The following MATK variants were observed in gnomAD, a reference collection of about 807,000 sequenced individuals.
The protein encoded by MATK is megakaryocyte-associated tyrosine-protein kinase.
Under a neutral mutation model 59.8 loss-of-function variants are expected in MATK, and 41 were observed. That is an observed-to-expected ratio of 0.69 (90% CI 0.53 to 0.89). The LOEUF (loss-of-function observed/expected upper bound fraction) is 0.89. Among genes scored for constraint, MATK ranks in the 40% least tolerant of loss-of-function variants. The pLI is 0.00. For missense variants in MATK, 593 were observed against 719.6 expected (o/e 0.82, Z 2.01); for synonymous variants, 308 against 306.1 (o/e 1.01, Z -0.06).
At chr19:3,787,371 C>A (rs1436939505), upstream of MATK, 5 of 150,102 alleles carry the variant, frequency 3.3e-5, no homozygotes, top group Non-Finnish European at 7.4e-5. Flanking sequence ...CAAGAATTGG[C>A]CACTTTGCCT....
In MATK at chr19:3,784,332, T is replaced by C. The variant is rs772771890; in HGVS notation, c.246+6A>G. On this transcript the variant is annotated splice_donor_region_variant and intron_variant, in intron 4 of 13. Coordinates refer to ENST00000310132, the MANE Select transcript of MATK (RefSeq NM_139355.3). ...CAAGCACCCACACCCGCCGGCCACCTCTCACCTCGCAGGCCTCCAGGATGG... is the reference window on the plus strand; with the variant it reads ...CAAGCACCCACACCCGCCGGCCACCCCTCACCTCGCAGGCCTCCAGGATGG... The C allele has an allele frequency of 1.2e-6, 2 of 1,602,050 alleles. No homozygotes were observed. Among genetic ancestry groups the C allele is most frequent in the African/African-American group, 2.7e-5 (2 of 74,746 alleles).
chr19:3,794,774 C>T (rs1158106751), intron 1 of MATK, among the ~76,000 whole-genome samples: 1 of 152,110 alleles, frequency 6.6e-6, no homozygotes, highest in Non-Finnish European at 1.5e-5. Context: ...CCTCTTCATC[C>T]TCTCATGACC....
intron 1 of MATK, among the ~76,000 whole-genome samples, chr19:3,797,988 G>A (rs1004713180): frequency 4.6e-5 from 7 of 151,964 alleles, no homozygotes; most frequent in African/African-American, 1.7e-4. Flanking sequence ...TTTGCAGTGA[G>A]CCAAGAACAC....
chr19:3,794,929 T>G (rs1420971105), intron 1 of MATK, among the ~76,000 whole-genome samples: 2 of 151,996 alleles, frequency 1.3e-5, no homozygotes, highest in African/African-American at 2.4e-5. Flanking sequence ...AAACTTTATT[T>G]ATGGACATGG....
intron 1 of MATK, among the ~76,000 whole-genome samples, chr19:3,795,440 T>G (rs2037584951): frequency 6.6e-6 from 1 of 151,966 alleles, no homozygotes; most frequent in South Asian, 2.1e-4. Flanking sequence ...ACCCGGCTAA[T>G]TTTTGTATTT....
intron 7 of MATK, among the ~76,000 whole-genome samples, chr19:3,782,277 C>T (rs957533202): frequency 1.3e-5 from 2 of 152,160 alleles, no homozygotes; most frequent in African/African-American, 2.4e-5. Flanking sequence ...GTTCTGCAGA[C>T]GTTCTCTTCT....
Position 3,778,127 on chromosome 19 carries a change from A to T in MATK, c.*56T>A. Reference sequence around the variant, plus strand: ...CTCCTTGGGCCTGGTCAGTGCCCCCACGCCGCACTCTCCACTCTCTCGGTC... The same window carrying T: ...CTCCTTGGGCCTGGTCAGTGCCCCCTCGCCGCACTCTCCACTCTCTCGGTC... On this transcript the variant is annotated 3_prime_UTR_variant, in exon 14 of 14. Coordinates refer to ENST00000310132, the MANE Select transcript of MATK (RefSeq NM_139355.3). The T allele has an allele frequency of 6.6e-7, 1 of 1,518,006 alleles. No individual in the cohort carries two copies. The allele number at this position is 1,518,006 out of a possible 1,614,324, so 94.0% of individuals were successfully genotyped here.
chr19:3,795,085 G>C (rs544937271), intron 1 of MATK, among the ~76,000 whole-genome samples: 1 of 134,392 alleles, frequency 7.4e-6, no homozygotes, highest in Non-Finnish European at 1.5e-5. Context: ...TCACACCATT[G>C]TCCTGCCTCA....
At chr19:3,785,566 T>C (rs1318251694) in intron 1 of MATK, 2 of 234,928 alleles carry the variant, frequency 8.5e-6, no homozygotes, top group Non-Finnish European at 1.7e-5. Context: ...TCTCGGCCCC[T>C]CCAAGATGCG....
intron 7 of MATK, among the ~76,000 whole-genome samples, chr19:3,781,945 CT>C (rs1353333161): frequency 5.9e-5 from 9 of 152,178 alleles, no homozygotes; most frequent in Admixed American, 5.9e-4. Flanking sequence ...ATAGTCAAAG[CT>C]GGGGGCCTGC....
In MATK at chr19:3,784,881, TC is replaced by T; in HGVS notation, c.75del (p.Ser26AlafsTer135). The T allele has an allele frequency of 6.5e-7, 1 of 1,530,820 alleles. No homozygotes were observed. The highest frequency in any genetic ancestry group is 8.9e-7 in the Non-Finnish European group (1 of 1,128,432). 94.8% of individuals were successfully genotyped at this position (1,530,820 alleles called of 1,614,324 possible). A position where few individuals can be genotyped will look rare whatever the true frequency, so the allele number is the denominator to read the frequency against. On this transcript the variant is annotated frameshift_variant and splice_region_variant, in exon 3 of 14. Transcript: ENST00000310132. LOFTEE classifies it high-confidence loss of function. Reference sequence around the variant, plus strand: ...TGCCAGGCTCGGAGGAAGCGGGGGCTCACCTGGGGAGGGGACAGAGTCCAGG... The same window carrying T: ...TGCCAGGCTCGGAGGAAGCGGGGGCTACCTGGGGAGGGGACAGAGTCCAGG... Reference protein sequence around the residue: ...GCDSAEELPRVSPRFLRAWHP... With the variant: ...GCDSAEELPRXSPRFLRAWHP...
intron 1 of MATK, among the ~76,000 whole-genome samples, chr19:3,798,875 A>C (rs2037618792): frequency 6.6e-6 from 1 of 151,320 alleles, no homozygotes; most frequent in Non-Finnish European, 1.5e-5. Context: ...GCGTGATCAT[A>C]GGTCACTGCA....
At chr19:3,792,710 G>T (rs573927192) in intron 1 of MATK, among the ~76,000 whole-genome samples, 1 of 152,030 alleles carries the variant, frequency 6.6e-6, no homozygotes, top group Non-Finnish European at 1.5e-5. Context: ...TAGAGATGGG[G>T]TTTCACCATG....
At position 3,783,238 on chromosome 19, in the gene MATK, G is replaced by A; in HGVS notation, c.583-19C>T. On this transcript the variant is annotated intron_variant, in intron 6 of 13. Coordinates refer to ENST00000310132, the MANE Select transcript of MATK (RefSeq NM_139355.3). ...TGTAATGCTGCAGGATGGTGGGACA[G>A]CCATGAGCCCAGCCCCAGGGAGGGG... is the stretch of plus-strand genomic sequence containing the variant. 1 of 1,381,736 alleles carries A rather than the reference G, an allele frequency of 7.2e-7. No homozygotes were observed. Among genetic ancestry groups the A allele is most frequent in the South Asian group, 1.1e-5 (1 of 88,280 alleles). The allele number at this position is 1,381,736 out of a possible 1,614,324, so 85.6% of individuals were successfully genotyped here.
rs2068093329 is a variant in MATK, at chr19:3,781,670, C to A, written c.679G>T (p.Gly227Cys). 1.2e-6 allele frequency: 2 copies of A among 1,613,058 alleles called. No homozygotes were observed. Among genetic ancestry groups the A allele is most frequent in the African/African-American group, 2.7e-5 (2 of 74,914 alleles). The change falls in exon 8 of 14, where the codon GGC (glycine) becomes TGC (cysteine). Residue 227 changes from glycine (G) to cysteine (C), a missense_variant and splice_region_variant. Transcript: ENST00000310132. The part of the protein sequence containing the change: ...KSAEEELARA[G>C]WLLNLQHLTL... ...AAATGCTGCAGGTTCAGTAACCAGC[C>A]CGCTGTGGAGTGAAGACCCAGTCAG...
upstream of MATK, chr19:3,787,489 C>T (rs1324380043): frequency 5.9e-5 from 9 of 152,270 alleles, no homozygotes; most frequent in African/African-American, 2.2e-4. Context: ...AATTCTCCTT[C>T]CTCACCCTCC....
At chr19:3,790,068 A>G (rs2037526506), upstream of MATK, among the ~76,000 whole-genome samples, 2 of 152,054 alleles carry the variant, frequency 1.3e-5, no homozygotes, top group African/African-American at 4.8e-5. Context: ...TGCCCAGCTA[A>G]TTTTTGTATT....
Position 3,778,269 on chromosome 19 carries a change from G to T in MATK, c.1438C>A (p.Arg480=). Reference sequence around the variant, plus strand: ...GGGGCACCTGCACTGCGTAGCTCCCGGGCCAGCTTCTCGGCCAGTTTGCGG... The same window carrying T: ...GGGGCACCTGCACTGCGTAGCTCCCTGGCCAGCTTCTCGGCCAGTTTGCGG... ...PFRKLAEKLA[R]ELRSAGAPAS... Residue 480 remains arginine, a synonymous_variant, in exon 14 of 14, where the codon CGG becomes AGG. Coordinates refer to ENST00000310132, the MANE Select transcript of MATK (RefSeq NM_139355.3). 1 of 1,574,448 alleles carries T rather than the reference G, an allele frequency of 6.4e-7. No homozygotes were observed. Among genetic ancestry groups the T allele is most frequent in the South Asian group, 1.2e-5 (1 of 86,188 alleles).
rs1037962126 is a variant in MATK at position 3,780,913 on chromosome 19, A to G, written c.742+694T>C. The stretch of plus-strand genomic sequence containing the variant: ...ACTGTGCCTGGCTTTTTTTTTGTAC[A>G]GATGGGGGTCTCGCTACGTTGTCCA... On this transcript the variant is annotated intron_variant, in intron 8 of 13. Coordinates refer to ENST00000310132, the MANE Select transcript of MATK (RefSeq NM_139355.3). Among the ~76,000 whole-genome samples, 8 of 149,088 alleles carry G rather than the reference A, an allele frequency of 5.4e-5. No homozygotes were observed. The East Asian group carries it at 9.9e-4, about 18-fold the overall frequency.
Sources: gnomAD v4.1 joint callset for allele counts (sites outside exome capture counted in the v4.1 genomes callset) on GRCh38, gnomAD v4.1.1 for gene constraint, MANE v1.5 for transcripts, NCBI Gene and HGNC (gene_info 2026-07-23, HGNC 2026-07-21) for gene names.